The following RORA variants were observed in gnomAD, a reference collection of about 807,000 sequenced individuals.
The protein encoded by RORA is nuclear receptor ROR-alpha.
A neutral mutation model predicts 69.5 loss-of-function variants in RORA; 7 were observed. That is an observed-to-expected ratio of 0.10 (90% CI 0.06 to 0.19). The LOEUF (loss-of-function observed/expected upper bound fraction) is 0.19. Ranked by LOEUF, RORA falls within the 10% of genes least tolerant of loss-of-function variation. RORA has a pLI of 1.00. For synonymous variants in RORA, 261 were observed against 240.8 expected (o/e 1.08, Z -0.78); for missense variants, 457 against 663.0 (o/e 0.69, Z 3.41).
At chr15:60,744,414 T>C (rs1010486319) in intron 1 of RORA, among the ~76,000 whole-genome samples, 1 of 152,158 alleles carries the variant, frequency 6.6e-6, no homozygotes, top group South Asian at 2.1e-4. Context: ...CCCATACCCA[T>C]GTAGCTGATT....
chr15:60,819,297 A>G (rs1433399848), intron 1 of RORA, among the ~76,000 whole-genome samples: 1 of 152,216 alleles, frequency 6.6e-6, no homozygotes, highest in Non-Finnish European at 1.5e-5. Flanking sequence ...CATGATGTAC[A>G]AGAAAAGAAG....
intron 2 of RORA, among the ~76,000 whole-genome samples, chr15:60,602,490 G>T (rs918309897): frequency 3.3e-5 from 5 of 152,162 alleles, no homozygotes; most frequent in African/African-American, 1.2e-4. Context: ...TTCAGCACTT[G>T]TCAAAAAACT....
At chr15:60,628,514 T>C (rs754914105) in intron 2 of RORA, among the ~76,000 whole-genome samples, 3 of 152,126 alleles carry the variant, frequency 2.0e-5, no homozygotes, top group Admixed American at 6.6e-5. Flanking sequence ...CATAGGTATG[T>C]TTACTGCACC....
intron 2 of RORA, among the ~76,000 whole-genome samples, chr15:60,623,644 A>C (rs2069480688): frequency 6.6e-6 from 1 of 152,140 alleles, no homozygotes; most frequent in Non-Finnish European, 1.5e-5. Flanking sequence ...GTTGCCCATA[A>C]CATTATGTTG....
chr15:60,712,494 G>A (rs1353983965), intron 1 of RORA, among the ~76,000 whole-genome samples: 1 of 152,140 alleles, frequency 6.6e-6, no homozygotes, highest in South Asian at 2.1e-4. Context: ...TTATCACTGG[G>A]TTTGCATGAT....
At chr15:61,108,600 C>T (rs536712441) in intron 1 of RORA, among the ~76,000 whole-genome samples, 4 of 152,180 alleles carry the variant, frequency 2.6e-5, no homozygotes, top group African/African-American at 7.2e-5. Flanking sequence ...TGGCCATTTA[C>T]GGAAACGTCT....
chr15:60,575,117 G>A (rs2067988382), intron 2 of RORA, among the ~76,000 whole-genome samples: 2 of 151,836 alleles, frequency 1.3e-5, no homozygotes, highest in Non-Finnish European at 2.9e-5. Flanking sequence ...ACATAGCTCC[G>A]TTTGTCTAAT....
chr15:61,165,099 C>T (rs1025323597), intron 1 of RORA, among the ~76,000 whole-genome samples: 1 of 152,224 alleles, frequency 6.6e-6, no homozygotes, highest in Non-Finnish European at 1.5e-5. Context: ...AAAGAATAAA[C>T]TGCGTAATTG....
rs536657062 is a variant in RORA, at chr15:60,774,786, G to C, written c.167-96100C>G. On this transcript the variant is annotated intron_variant, in intron 1 of 10. Transcript: ENST00000335670. ...ACTTCCATGGTAATTTCATCCTAAA[G>C]CAGAGCCTAAGAATTGAGGACGAAA... Among the ~76,000 whole-genome samples, 25 of 152,282 alleles carry C rather than the reference G, an allele frequency of 1.6e-4. 1 individual carries two copies. The South Asian group carries it at 4.8e-3, about 29-fold the overall frequency.
At chr15:61,030,834 T>A (rs771845396) in intron 1 of RORA, among the ~76,000 whole-genome samples, 1 of 151,896 alleles carries the variant, frequency 6.6e-6, no homozygotes, top group Non-Finnish European at 1.5e-5. Flanking sequence ...CTCTTCCCCA[T>A]TAATTTTGAG....
At chr15:60,976,327 C>T (rs1893872028) in intron 1 of RORA, among the ~76,000 whole-genome samples, 1 of 152,116 alleles carries the variant, frequency 6.6e-6, no homozygotes, top group African/African-American at 2.4e-5. Context: ...TAAACCATCC[C>T]CCATCTGCAT....
chr15:61,098,188 CCCT>C (rs2078822684), intron 1 of RORA, among the ~76,000 whole-genome samples: 2 of 134,300 alleles, frequency 1.5e-5, no homozygotes, highest in African/African-American at 5.5e-5. Flanking sequence ...CTGCCTCCCT[CCCT>C]GTCTCCTTCC....
intron 1 of RORA, among the ~76,000 whole-genome samples, chr15:60,793,920 G>A (rs116009558): frequency 0.014 from 2,181 of 152,242 alleles, 68 homozygotes; most frequent in African/African-American, 0.05. Context: ...TGATTCTGCC[G>A]GATTAAGCAA....
chr15:60,744,208 C>T (rs1881330219), intron 1 of RORA, among the ~76,000 whole-genome samples: 2 of 151,926 alleles, frequency 1.3e-5, no homozygotes, highest in Admixed American at 1.3e-4. Flanking sequence ...GTGGATGGAA[C>T]TCTTCCTTTA....
Position 60,717,907 on chromosome 15 carries a change from G to C in RORA, c.167-39221C>G, listed in dbSNP as rs961092366. Reference sequence around the variant, plus strand: ...CTCCACCCTCAGGGTTCAAGCGATTGTCCTGCCTCAGCCTCCTGAGTAGCT... The same window carrying C: ...CTCCACCCTCAGGGTTCAAGCGATTCTCCTGCCTCAGCCTCCTGAGTAGCT... On this transcript the variant is annotated intron_variant, in intron 1 of 10. Coordinates refer to ENST00000335670, the MANE Select transcript of RORA (RefSeq NM_134261.3). Among the ~76,000 whole-genome samples, 37 of 139,208 alleles carry C rather than the reference G, an allele frequency of 2.7e-4. 1 individual carries two copies. Among genetic ancestry groups the C allele is most frequent in the Admixed American group, 2.5e-3 (31 of 12,542 alleles). The allele number at this position is 139,208 out of a possible 152,430, so 91.3% of individuals were successfully genotyped here.
At chr15:60,509,512 A>G (rs2065623554) in intron 5 of RORA, among the ~76,000 whole-genome samples, 1 of 152,162 alleles carries the variant, frequency 6.6e-6, no homozygotes, top group African/African-American at 2.4e-5. Context: ...GTATGAGTGC[A>G]TTTTTTAGCC....
chr15:60,845,663 C>G (rs781030396), intron 1 of RORA, among the ~76,000 whole-genome samples: 31 of 152,212 alleles, frequency 2.0e-4, no homozygotes, highest in South Asian at 1.4e-3. Context: ...AACCCATCTT[C>G]TAGTTGAGTT....
chr15:60,822,577 C>T (rs1488930569), intron 1 of RORA, among the ~76,000 whole-genome samples: 2 of 152,192 alleles, frequency 1.3e-5, no homozygotes, highest in East Asian at 1.9e-4. Flanking sequence ...AGATCCACCT[C>T]AGAAGAAGGC....
In RORA at chr15:60,878,170, CAAAAAAA is replaced by C. The variant is rs11362081; in HGVS notation, c.167-199491_167-199485del. Among the ~76,000 whole-genome samples the C allele has an allele frequency of 7.2e-3, 500 of 69,696 alleles. 1 individual carries two copies. Among genetic ancestry groups the C allele is most frequent in the Non-Finnish European group, 0.011 (364 of 34,506 alleles). The allele number at this position is 69,696 out of a possible 152,430, so 45.7% of individuals were successfully genotyped here. A position where few individuals can be genotyped will look rare whatever the true frequency, so the allele number is the denominator to read the frequency against. The stretch of plus-strand genomic sequence containing the variant: ...TGAAACCCTGCTTCTACTAAAAATA[CAAAAAAA>C]AAAAAAAAAAAAAAAAATTAGCCAG... On this transcript the variant is annotated intron_variant, in intron 1 of 10. Coordinates refer to ENST00000335670, the MANE Select transcript of RORA (RefSeq NM_134261.3).
Sources: allele counts gnomAD v4.1 joint callset (sites outside exome capture counted in the v4.1 genomes callset), GRCh38; gene constraint gnomAD v4.1.1; transcripts MANE v1.5; gene names NCBI Gene and HGNC (gene_info 2026-07-23, HGNC 2026-07-21).